The following NAV2 variants were observed in gnomAD, a reference collection of about 807,000 sequenced individuals.
NAV2 encodes neuron navigator 2.
In NAV2, 54 loss-of-function variants were observed where a neutral mutation model predicts 223.2. The ratio of observed to expected loss-of-function variants is 0.24; its 90% CI spans 0.19 to 0.30. The LOEUF (loss-of-function observed/expected upper bound fraction) is 0.30. Among genes scored for constraint, NAV2 ranks in the 10% least tolerant of loss-of-function variants. The pLI, the probability that NAV2 is intolerant of heterozygous loss-of-function variation, is 1.00. For synonymous variants in NAV2, 1,279 were observed against 1,239.3 expected (o/e 1.03, Z -0.67); for missense variants, 2,806 against 3,147.5 (o/e 0.89, Z 2.60).
intron 10 of NAV2, among the ~76,000 whole-genome samples, chr11:19,983,466 A>G (rs1416677781): frequency 6.6e-6 from 1 of 152,196 alleles, no homozygotes; most frequent in African/African-American, 2.4e-5. Flanking sequence ...GATCGTGACA[A>G]CCGTAATGTC....
intron 1 of NAV2, among the ~76,000 whole-genome samples, chr11:19,586,891 A>G (rs1015181584): frequency 6.6e-6 from 1 of 151,680 alleles, no homozygotes; most frequent in East Asian, 1.9e-4. Flanking sequence ...GGGAACCACT[A>G]CTCTCTTCAA....
chr11:19,564,819 C>T (rs185079498), intron 1 of NAV2, among the ~76,000 whole-genome samples: 57 of 152,330 alleles, frequency 3.7e-4, no homozygotes, highest in Non-Finnish European at 7.3e-5. Context: ...CAGAGCCACG[C>T]AGCCAATGAG....
intron 1 of NAV2, among the ~76,000 whole-genome samples, chr11:19,783,433 T>C (rs765170535): frequency 6.6e-5 from 10 of 152,210 alleles, no homozygotes; most frequent in African/African-American, 9.6e-5. Context: ...TCTCTCCATG[T>C]TATCACCCCA....
At chr11:19,635,340 C>T (rs1367649259) in intron 1 of NAV2, among the ~76,000 whole-genome samples, 1 of 152,160 alleles carries the variant, frequency 6.6e-6, no homozygotes, top group Admixed American at 6.5e-5. Flanking sequence ...ATTACTCCAG[C>T]TGCAGTGTGG....
chr11:19,692,936 G>A (rs1207005192), intron 1 of NAV2, among the ~76,000 whole-genome samples: 4 of 152,348 alleles, frequency 2.6e-5, no homozygotes, highest in East Asian at 1.9e-4. Flanking sequence ...GCTCCAAACC[G>A]AGGGAACAGG....
chr11:19,360,522 A>G (rs1178451635), intron 1 of NAV2, among the ~76,000 whole-genome samples: 1 of 152,238 alleles, frequency 6.6e-6, no homozygotes, highest in Non-Finnish European at 1.5e-5. Context: ...TCAGAAATAT[A>G]TATTTATGTA....
intron 1 of NAV2, among the ~76,000 whole-genome samples, chr11:19,775,748 C>T (rs754986203): frequency 2.6e-5 from 4 of 152,096 alleles, no homozygotes; most frequent in Non-Finnish European, 4.4e-5. Flanking sequence ...AGACATGAGA[C>T]CATGGGCAAG....
intron 1 of NAV2, among the ~76,000 whole-genome samples, chr11:19,600,813 A>C (rs1187595820): frequency 6.6e-6 from 1 of 152,206 alleles, no homozygotes; most frequent in East Asian, 1.9e-4. Context: ...CCTACAGATG[A>C]AGAAATTGAA....
chr11:19,620,827 C>A (rs2046970093), intron 1 of NAV2, among the ~76,000 whole-genome samples: 2 of 152,182 alleles, frequency 1.3e-5, no homozygotes, highest in South Asian at 2.1e-4. Context: ...GAGGGCATCC[C>A]TGTCTTGTGC....
intron 26 of NAV2, among the ~76,000 whole-genome samples, chr11:20,087,198 G>A (rs559598686): frequency 4.4e-4 from 67 of 152,280 alleles, no homozygotes; most frequent in African/African-American, 1.4e-3. Context: ...GGGCGGCCAA[G>A]TAAGATGAGC....
chr11:20,035,349 T>G (rs2056244710), intron 11 of NAV2, among the ~76,000 whole-genome samples: 1 of 152,202 alleles, frequency 6.6e-6, no homozygotes, highest in African/African-American at 2.4e-5. Context: ...GAGACTGGAC[T>G]TAGGCAGCTT....
At chr11:19,793,206 CAAAAAAAAAAAAA>C (rs557365857) in intron 1 of NAV2, among the ~76,000 whole-genome samples, 809 of 58,272 alleles carry the variant, frequency 0.014, 14 homozygotes, top group Middle Eastern at 0.059. Flanking sequence ...CACTCTGTCT[CAAAAAAAAAAAAA>C]AAAAAAAAAA....
At chr11:19,627,406 C>T (rs2047202649) in intron 1 of NAV2, among the ~76,000 whole-genome samples, 1 of 151,928 alleles carries the variant, frequency 6.6e-6, no homozygotes, top group South Asian at 2.1e-4. Flanking sequence ...AAAAGAGATC[C>T]ATGTGCCTGT....
intron 1 of NAV2, among the ~76,000 whole-genome samples, chr11:19,535,584 G>T (rs10500852): frequency 1.2e-4 from 18 of 152,246 alleles, no homozygotes; most frequent in Non-Finnish European, 2.2e-4. Context: ...GGAATTTGCC[G>T]TCTTGAAAGC....
intron 36 of NAV2, among the ~76,000 whole-genome samples, chr11:20,110,710 C>T (rs577838923): frequency 6.6e-6 from 1 of 152,260 alleles, no homozygotes; most frequent in South Asian, 2.1e-4. Flanking sequence ...CCTATGATTT[C>T]ATTTGACAAA....
chr11:20,030,584 C>A (rs954973047), intron 11 of NAV2, among the ~76,000 whole-genome samples: 1 of 152,180 alleles, frequency 6.6e-6, no homozygotes, highest in Non-Finnish European at 1.5e-5. Flanking sequence ...ATTAAATTTT[C>A]TTAAATATTT....
intron 22 of NAV2, among the ~76,000 whole-genome samples, chr11:20,069,726 A>G (rs1283336132): frequency 6.6e-6 from 1 of 152,336 alleles, no homozygotes; most frequent in Non-Finnish European, 1.5e-5. Flanking sequence ...AGCAACCTGC[A>G]TGACCACAGC....
chr11:19,658,056 G>A (rs1032591724), intron 1 of NAV2, among the ~76,000 whole-genome samples: 4 of 152,130 alleles, frequency 2.6e-5, no homozygotes, highest in African/African-American at 9.7e-5. Flanking sequence ...TTTTGTTTGC[G>A]TTATAGTCAT....
rs2063369183 is a variant in NAV2 at position 20,119,539 on chromosome 11, A to G, written c.*1281A>G. 6.6e-6 allele frequency: 1 copy of G among 152,608 alleles called. No homozygotes were observed. Among genetic ancestry groups the G allele is most frequent in the African/African-American group, 2.4e-5 (1 of 41,436 alleles). The allele number at this position is 152,608 out of a possible 1,614,324, so 9.5% of individuals were successfully genotyped here. A position where few individuals can be genotyped will look rare whatever the true frequency, so the allele number is the denominator to read the frequency against. On this transcript the variant is annotated 3_prime_UTR_variant, in exon 38 of 38. Transcript: ENST00000349880. ...CCTCAGAACCAACATGACGCAGCTCAATAAGGGTGAGGGTCACTCCCTCCC... is the reference window on the plus strand; with the variant it reads ...CCTCAGAACCAACATGACGCAGCTCGATAAGGGTGAGGGTCACTCCCTCCC...
Sources: gnomAD v4.1 joint callset for allele counts (sites outside exome capture counted in the v4.1 genomes callset) on GRCh38, gnomAD v4.1.1 for gene constraint, MANE v1.5 for transcripts, NCBI Gene and HGNC (gene_info 2026-07-23, HGNC 2026-07-21) for gene names.